NALF1: variants seen among roughly 807,000 people sequenced by gnomAD.
NALF1 encodes the protein family with sequence similarity 155 member A.
Under a neutral mutation model 48.4 loss-of-function variants are expected in NALF1, and 3 were observed. The ratio of observed to expected loss-of-function variants is 0.06; its 90% CI spans 0.03 to 0.16. The LOEUF (loss-of-function observed/expected upper bound fraction) is 0.16. NALF1 is among the 10% of genes least tolerant of loss of function. The probability of loss-of-function intolerance (pLI) is 1.00; values close to 1 mark genes in which losing one functional copy is unlikely to be tolerated. For synonymous variants in NALF1, 262 were observed against 245.7 expected (o/e 1.07, Z -0.62); for missense variants, 526 against 571.5 (o/e 0.92, Z 0.81).
chr13:107,314,832 G>T (rs1882113886), intron 1 of NALF1, among the ~76,000 whole-genome samples: 1 of 152,170 alleles, frequency 6.6e-6, no homozygotes, highest in Admixed American at 6.6e-5. Context: ...GAGAAGATTA[G>T]CTGAATTGAG....
intron 1 of NALF1, among the ~76,000 whole-genome samples, chr13:107,358,386 T>A (rs1883001224): frequency 6.6e-6 from 1 of 152,168 alleles, no homozygotes; most frequent in Admixed American, 6.5e-5. Context: ...TTCAGTGGGA[T>A]CCAGGTGAAA....
intron 1 of NALF1, among the ~76,000 whole-genome samples, chr13:107,783,296 T>C (rs111230880): frequency 0.058 from 6,757 of 116,708 alleles, 653 homozygotes; most frequent in Admixed American, 0.12. Context: ...GGGGCGCCTC[T>C]GCCCGGCCAC....
chr13:107,582,104 C>G (rs1036761508), intron 1 of NALF1, among the ~76,000 whole-genome samples: 1 of 150,942 alleles, frequency 6.6e-6, no homozygotes, highest in African/African-American at 2.4e-5. Context: ...ATTATCTACA[C>G]TATATATAAA....
At chr13:107,221,109 AG>A (rs1478435738) in intron 1 of NALF1, among the ~76,000 whole-genome samples, 1 of 152,128 alleles carries the variant, frequency 6.6e-6, no homozygotes, top group African/African-American at 2.4e-5. Context: ...GTGATACAAC[AG>A]ACAGTGGAGA....
At chr13:107,570,400 A>G (rs969250238) in intron 1 of NALF1, among the ~76,000 whole-genome samples, 5 of 152,052 alleles carry the variant, frequency 3.3e-5, no homozygotes, top group African/African-American at 1.2e-4. Flanking sequence ...TATCATAAAC[A>G]CGTACTGAAT....
In NALF1 at chr13:107,166,178, G is replaced by C. The variant is rs1022126069; in HGVS notation, c.*4319C>G. 2 of 152,146 alleles carry C rather than the reference G, an allele frequency of 1.3e-5. No homozygotes were observed. The highest frequency in any genetic ancestry group is 6.6e-5 in the Admixed American group (1 of 15,262). The allele number at this position is 152,146 out of a possible 1,614,324, so 9.4% of individuals were successfully genotyped here. ...CTCACGCCTGTAATCCCAACACTTT[G>C]GGAGGCCTAATCGGCGGATCTCCCA... On this transcript the variant is annotated 3_prime_UTR_variant, in exon 3 of 3. Coordinates refer to ENST00000375915, the MANE Select transcript of NALF1 (RefSeq NM_001080396.3).
chr13:107,608,699 G>A (rs1421830551), intron 1 of NALF1, among the ~76,000 whole-genome samples: 2 of 152,140 alleles, frequency 1.3e-5, no homozygotes, highest in Non-Finnish European at 2.9e-5. Context: ...GAAAATTGAA[G>A]AGAAAAAACA....
intron 1 of NALF1, among the ~76,000 whole-genome samples, chr13:107,405,038 A>G (rs1237447435): frequency 6.6e-6 from 1 of 152,102 alleles, no homozygotes; most frequent in East Asian, 1.9e-4. Context: ...TATCCTTTCA[A>G]ACCTGAAAAA....
intron 1 of NALF1, among the ~76,000 whole-genome samples, chr13:107,388,255 A>G (rs1009284081): frequency 2.0e-5 from 3 of 152,248 alleles, no homozygotes; most frequent in Admixed American, 2.0e-4. Context: ...GAGAAAAGCT[A>G]TCAAGTATTT....
intron 1 of NALF1, among the ~76,000 whole-genome samples, chr13:107,301,597 G>A (rs1014647483): frequency 7.9e-5 from 12 of 151,934 alleles, no homozygotes; most frequent in Admixed American, 3.9e-4. Flanking sequence ...AATATTTTAT[G>A]GGATTATATG....
At position 107,819,697 on chromosome 13, in the gene NALF1, C is replaced by G. The variant is rs970765063; in HGVS notation, c.915+45985G>C. 4.7e-3 allele frequency among the ~76,000 whole-genome samples: 703 copies of G among 149,278 alleles called. 4 individuals carry two copies. Among genetic ancestry groups the G allele is most frequent in the Middle Eastern group, 0.028 (8 of 290 alleles). On this transcript the variant is annotated intron_variant, in intron 1 of 2. Transcript: ENST00000375915. ...CCAGCTGGAAATTCTCTCTCTCTCTCTCTCTCTCTCTCTCTCTCTCTGGAA... is the reference window on the plus strand; with the variant it reads ...CCAGCTGGAAATTCTCTCTCTCTCTGTCTCTCTCTCTCTCTCTCTCTGGAA...
At position 107,465,557 on chromosome 13, in the gene NALF1, T is replaced by C. The variant is rs181936192; in HGVS notation, c.916-254802A>G. 2.0e-5 allele frequency among the ~76,000 whole-genome samples: 3 copies of C among 152,282 alleles called. No individual in the cohort carries two copies. The East Asian group carries it at 5.8e-4, about 29-fold the overall frequency. Reference sequence around the variant, plus strand: ...CTGCTGTCTTCACTGGTATATATAATGTGCTAATGCATTCCTTATGTAATG... The same window carrying C: ...CTGCTGTCTTCACTGGTATATATAACGTGCTAATGCATTCCTTATGTAATG... On this transcript the variant is annotated intron_variant, in intron 1 of 2. Transcript: ENST00000375915.
At chr13:107,392,607 T>C (rs968095950) in intron 1 of NALF1, among the ~76,000 whole-genome samples, 1 of 152,078 alleles carries the variant, frequency 6.6e-6, no homozygotes, top group Non-Finnish European at 1.5e-5. Flanking sequence ...TCTCCAAGAT[T>C]TGTGGTGATG....
chr13:107,581,682 T>C (rs1418060504), intron 1 of NALF1, among the ~76,000 whole-genome samples: 1 of 152,214 alleles, frequency 6.6e-6, no homozygotes, highest in Non-Finnish European at 1.5e-5. Context: ...GGATATATCC[T>C]TGCAAGCAGG....
At chr13:107,586,485 C>A (rs933076363) in intron 1 of NALF1, among the ~76,000 whole-genome samples, 1 of 151,444 alleles carries the variant, frequency 6.6e-6, no homozygotes, top group African/African-American at 2.4e-5. Flanking sequence ...TGTTATGAGT[C>A]CATTTCAAAT....
At chr13:107,746,034 T>C (rs1876771714) in intron 1 of NALF1, among the ~76,000 whole-genome samples, 2 of 152,294 alleles carry the variant, frequency 1.3e-5, no homozygotes, top group South Asian at 4.1e-4. Flanking sequence ...CCTCGGAGTG[T>C]TGTTTCTCCA....
Position 107,362,604 on chromosome 13 carries a change from T to A in NALF1, c.916-151849A>T, listed in dbSNP as rs1019164534. The stretch of plus-strand genomic sequence containing the variant: ...ATTAGCGCCCACCCTAATGACCTCA[T>A]CTTAATCATCTGTGAAGGCCTTATT... On this transcript the variant is annotated intron_variant, in intron 1 of 2. Transcript: ENST00000375915. The surrounding 1 kb of genome is among the most constrained non-coding windows in gnomAD (Gnocchi z 4.6). Among the ~76,000 whole-genome samples, 8 of 152,224 alleles carry A rather than the reference T, an allele frequency of 5.3e-5. No homozygotes were observed. The South Asian group carries it at 1.0e-3, about 20-fold the overall frequency.
rs565598956 is a variant in NALF1, at chr13:107,166,689, C to A, written c.*3808G>T. 1.3e-5 allele frequency: 2 copies of A among 151,982 alleles called. No homozygotes were observed. The highest frequency in any genetic ancestry group is 4.8e-5 in the African/African-American group (2 of 41,462). The allele number at this position is 151,982 out of a possible 1,614,324, so 9.4% of individuals were successfully genotyped here. A position where few individuals can be genotyped will look rare whatever the true frequency, so the allele number is the denominator to read the frequency against. Reference sequence around the variant, plus strand: ...TTGCTTATTTCATTTATGTTTTTTTCCCCCGGAAAAAAGTATGTACTTATT... The same window carrying A: ...TTGCTTATTTCATTTATGTTTTTTTACCCCGGAAAAAAGTATGTACTTATT... On this transcript the variant is annotated 3_prime_UTR_variant, in exon 3 of 3. Transcript: ENST00000375915.
At chr13:107,549,591 A>G (rs1310851431) in intron 1 of NALF1, among the ~76,000 whole-genome samples, 1 of 152,122 alleles carries the variant, frequency 6.6e-6, no homozygotes, top group Non-Finnish European at 1.5e-5. Flanking sequence ...ATGTTAGTTC[A>G]TTTACTTTAT....
Sources: allele counts gnomAD v4.1 joint callset (sites outside exome capture counted in the v4.1 genomes callset), GRCh38; gene constraint gnomAD v4.1.1; non-coding constraint Gnocchi (gnomAD v3.1); transcripts MANE v1.5; gene names NCBI Gene and HGNC (gene_info 2026-07-23, HGNC 2026-07-21).